TACC1: variants seen among roughly 807,000 people sequenced by gnomAD.
The protein encoded by TACC1 is transforming acidic coiled-coil containing protein 1, also known as transforming acidic coiled-coil-containing protein 1.
A neutral mutation model predicts 84.4 loss-of-function variants in TACC1; 48 were observed. The observed-to-expected ratio is 0.57, with a 90% CI of 0.45 to 0.72. The LOEUF is 0.72. Among genes scored for constraint, TACC1 ranks in the 30% least tolerant of loss-of-function variants. The pLI, the probability that TACC1 is intolerant of heterozygous loss-of-function variation, is 0.00. For missense variants in TACC1, 920 were observed against 973.0 expected (o/e 0.95, Z 0.72); for synonymous variants, 372 against 376.3 (o/e 0.99, Z 0.13).
chr8:38,804,293 G>A (rs188279468), intron 2 of TACC1, among the ~76,000 whole-genome samples: 93 of 152,012 alleles, frequency 6.1e-4, no homozygotes, highest in Non-Finnish European at 1.2e-3. Context: ...TGTTAGCACT[G>A]TTGCAATTTT....
chr8:38,847,708 C>G (rs1832580561), intron 12 of TACC1, among the ~76,000 whole-genome samples: 1 of 152,226 alleles, frequency 6.6e-6, no homozygotes, highest in African/African-American at 2.4e-5. Flanking sequence ...CTAAGAGATT[C>G]ATGGACAAGT....
At position 38,772,039 on chromosome 8, in the gene TACC1, G is replaced by C. The variant is rs544208760; in HGVS notation, c.27-16665G>C. 1.2e-4 allele frequency among the ~76,000 whole-genome samples: 18 copies of C among 152,182 alleles called. No homozygotes were observed. In the East Asian group the frequency reaches 3.5e-3, roughly 29 times the overall value. On this transcript the variant is annotated intron_variant, in intron 3 of 14. Transcript: ENST00000518415. ...AAAGAAAGAAAAAGAGAGAGAGAGAGAGAGAGAGAGAGAGGAAGGAAGGAA... is the reference window on the plus strand; with the variant it reads ...AAAGAAAGAAAAAGAGAGAGAGAGACAGAGAGAGAGAGAGGAAGGAAGGAA...
At chr8:38,731,229 G>A (rs1563734880) in intron 1 of TACC1, among the ~76,000 whole-genome samples, 1 of 152,186 alleles carries the variant, frequency 6.6e-6, no homozygotes, top group Non-Finnish European at 1.5e-5. Context: ...GTGAGCCACT[G>A]TGCCCTACCG....
At chr8:38,788,911 C>A in intron 2 of TACC1, 92 bp downstream of exon 2, 3 of 1,021,286 alleles carry the variant, frequency 2.9e-6, no homozygotes, top group African/African-American at 1.6e-5. Flanking sequence ...AATTTAGGAC[C>A]ATTTAAGAGA....
intron 3 of TACC1, among the ~76,000 whole-genome samples, chr8:38,749,575 T>G (rs1316093555): frequency 1.3e-5 from 2 of 151,736 alleles, no homozygotes; most frequent in East Asian, 1.9e-4. Context: ...AATGCAAAGT[T>G]TTTTTTTGTT....
At chr8:38,804,663 C>G (rs755354344) in intron 2 of TACC1, among the ~76,000 whole-genome samples, 9 of 152,122 alleles carry the variant, frequency 5.9e-5, no homozygotes, top group Non-Finnish European at 1.2e-4. Flanking sequence ...AGTGCAGTGG[C>G]ACTATCACAG....
intron 2 of TACC1, among the ~76,000 whole-genome samples, chr8:38,807,324 G>T (rs1052743118): frequency 3.9e-5 from 6 of 152,166 alleles, no homozygotes; most frequent in African/African-American, 1.4e-4. Flanking sequence ...ATGAGATATT[G>T]TTTATGTGTT....
At chr8:38,750,338 C>T in intron 3 of TACC1, among the ~76,000 whole-genome samples, 1 of 152,204 alleles carries the variant, frequency 6.6e-6, no homozygotes, top group East Asian at 1.9e-4. Context: ...AGGGCATCTA[C>T]AAAATCTGTC....
chr8:38,825,172 C>T, intron 3 of TACC1, 136 bp from the exon 4 acceptor site: 1 of 881,286 alleles, frequency 1.1e-6, no homozygotes, highest in Non-Finnish European at 1.9e-6. Context: ...TGCCTCTCTC[C>T]TGCGGCGATG....
In TACC1 at chr8:38,787,546, C is replaced by T. The variant is rs866704302; in HGVS notation, c.-37C>T. ...GAAAAAGGCTCTCCCCACCCATTCC[C>T]CTGCCCCTAGGAGCTGGAGCCGGAG... On this transcript the variant is annotated 5_prime_UTR_variant, in exon 1 of 13. Coordinates refer to ENST00000317827, the MANE Select transcript of TACC1 (RefSeq NM_006283.3). 5.3e-6 allele frequency: 8 copies of T among 1,517,330 alleles called. No homozygotes were observed. The highest frequency in any genetic ancestry group is 7.1e-6 in the Non-Finnish European group (8 of 1,134,406). The allele number at this position is 1,517,330 out of a possible 1,614,324, so 94.0% of individuals were successfully genotyped here. A position where few individuals can be genotyped will look rare whatever the true frequency, so the allele number is the denominator to read the frequency against.
At chr8:38,781,384 CTT>C (rs34962713) in intron 3 of TACC1, among the ~76,000 whole-genome samples, 48 of 142,008 alleles carry the variant, frequency 3.4e-4, no homozygotes, top group Non-Finnish European at 3.1e-4. Flanking sequence ...AAATATTCTT[CTT>C]TTTTTTTTTT....
At chr8:38,757,233 C>CCCCCCCCCAAA in intron 3 of TACC1, 1 of 516,058 alleles carries the variant, frequency 1.9e-6, no homozygotes, top group Non-Finnish European at 2.8e-6. Flanking sequence ...TCCCTCGCCC[C>CCCCCCCCCAAA]ACCCTTCCTC....
At chr8:38,760,035 T>A (rs1034523) in intron 3 of TACC1, among the ~76,000 whole-genome samples, 119,660 of 150,442 alleles carry the variant, frequency 0.8, 47,932 homozygotes, top group Non-Finnish European at 0.85. Context: ...GTTCTTTTTT[T>A]AAAAAAAAAA....
intron 3 of TACC1, among the ~76,000 whole-genome samples, chr8:38,769,710 G>GGC (rs1554502464): frequency 7.4e-6 from 1 of 134,508 alleles, no homozygotes; most frequent in Non-Finnish European, 1.6e-5. Context: ...TTGTGTGTGT[G>GGC]GTGTGTGTGT....
At chr8:38,771,960 G>C (rs937518217) in intron 3 of TACC1, among the ~76,000 whole-genome samples, 9 of 151,802 alleles carry the variant, frequency 5.9e-5, no homozygotes, top group African/African-American at 2.2e-4. Context: ...CTGGCCCAGG[G>C]ACCACACATT....
chr8:38,783,241 G>A (rs905645271), upstream of TACC1, among the ~76,000 whole-genome samples: 1 of 151,504 alleles, frequency 6.6e-6, no homozygotes, highest in Non-Finnish European at 1.5e-5. Context: ...CCTGGGGAAA[G>A]CAAACTTTTC....
At chr8:38,836,571 T>C (rs547476738) in intron 7 of TACC1, among the ~76,000 whole-genome samples, 1 of 152,394 alleles carries the variant, frequency 6.6e-6, no homozygotes, top group Non-Finnish European at 1.5e-5. Flanking sequence ...TTGCCAGCTT[T>C]GCTCCCATGT....
chr8:38,777,270 A>AAG lies in TACC1; in HGVS notation c.27-11430_27-11429dup, dbSNP rs1554505430. The stretch of plus-strand genomic sequence containing the variant: ...GACTCCATCTCAAAAAAAAAAAAAA[A>AAG]AGAGAAGATAGACTTTTCTCTCTCA... On this transcript the variant is annotated intron_variant, in intron 3 of 14. Transcript: ENST00000518415. Among the ~76,000 whole-genome samples, 112 of 150,362 alleles carry AAG rather than the reference A, an allele frequency of 7.4e-4. 2 individuals are homozygous for AAG. The highest frequency in any genetic ancestry group is 8.2e-4 in the Non-Finnish European group (55 of 67,434).
intron 6 of TACC1, among the ~76,000 whole-genome samples, chr8:38,834,919 T>A (rs1829927056): frequency 6.6e-6 from 1 of 152,144 alleles, no homozygotes; most frequent in Admixed American, 6.5e-5. Context: ...ACTTTGGCAT[T>A]TTGGATGTTC....
Sources: gnomAD v4.1 joint callset for allele counts (sites outside exome capture counted in the v4.1 genomes callset) on GRCh38, gnomAD v4.1.1 for gene constraint, MANE v1.5 for transcripts, NCBI Gene and HGNC (gene_info 2026-07-23, HGNC 2026-07-21) for gene names.